PTPRD: variants seen among roughly 807,000 people sequenced by gnomAD.
The protein encoded by PTPRD is receptor-type tyrosine-protein phosphatase delta.
In PTPRD, 34 loss-of-function variants were observed where a neutral mutation model predicts 214.5. That is an observed-to-expected ratio of 0.16 (90% CI 0.12 to 0.21). The LOEUF is 0.21. Among genes scored for constraint, PTPRD ranks in the 10% least tolerant of loss-of-function variants. PTPRD has a pLI of 1.00. For missense variants in PTPRD, 2,545 were observed against 2,398.7 expected (o/e 1.06, Z -1.27); for synonymous variants, 1,128 against 845.7 (o/e 1.33, Z -5.79).
At chr9:9,077,335 C>A (rs958459261) in intron 10 of PTPRD, among the ~76,000 whole-genome samples, 4 of 151,800 alleles carry the variant, frequency 2.6e-5, no homozygotes, top group African/African-American at 9.7e-5. Flanking sequence ...GTATATTTCT[C>A]CATAGTTCAT....
intron 37 of PTPRD, among the ~76,000 whole-genome samples, chr9:8,384,483 C>A (rs1415804103): frequency 6.6e-6 from 1 of 152,106 alleles, no homozygotes; most frequent in African/African-American, 2.4e-5. Context: ...TGTGTTTCAG[C>A]AGAACTCATG....
chr9:9,166,440 T>C (rs975410308), intron 10 of PTPRD, among the ~76,000 whole-genome samples: 1 of 152,132 alleles, frequency 6.6e-6, no homozygotes, highest in Non-Finnish European at 1.5e-5. Context: ...GTTAAGGTCA[T>C]CTCATTCCCC....
chr9:8,702,679 T>C (rs1024843283), intron 12 of PTPRD, among the ~76,000 whole-genome samples: 6 of 152,196 alleles, frequency 3.9e-5, no homozygotes, highest in African/African-American at 1.4e-4. Flanking sequence ...AGTGGCACGA[T>C]CTCGGCTCAC....
chr9:9,163,947 C>G (rs547066759), intron 10 of PTPRD, among the ~76,000 whole-genome samples: 1 of 152,212 alleles, frequency 6.6e-6, no homozygotes, highest in Non-Finnish European at 1.5e-5. Context: ...TTACATATCA[C>G]TTCCTCAGAA....
chr9:9,812,593 GAATC>G lies in PTPRD; in HGVS notation c.-367-45746_-367-45743del, dbSNP rs566047089. ...AAAAAGTCACTATATAATGATAAAG[GAATC>G]AATTCATCAAAAGGATGTAACAATT... is the stretch of plus-strand genomic sequence containing the variant. On this transcript the variant is annotated intron_variant, in intron 5 of 45. Coordinates refer to ENST00000381196, the MANE Select transcript of PTPRD (RefSeq NM_002839.4). Among the ~76,000 whole-genome samples the G allele has an allele frequency of 2.4e-3, 359 of 152,136 alleles. 5 individuals are homozygous for G. The highest frequency in any genetic ancestry group is 3.2e-3 in the Non-Finnish European group (216 of 67,962).
chr9:9,791,450 A>G (rs1283009121), intron 5 of PTPRD, among the ~76,000 whole-genome samples: 2 of 152,092 alleles, frequency 1.3e-5, no homozygotes. Context: ...AGATGGAATT[A>G]ATTGGTTATT....
chr9:8,515,304 A>G (rs2138208162), intron 21 of PTPRD, among the ~76,000 whole-genome samples: 1 of 152,330 alleles, frequency 6.6e-6, no homozygotes, highest in East Asian at 1.9e-4. Context: ...ATACATGCAA[A>G]GTTCATAGTA....
intron 4 of PTPRD, among the ~76,000 whole-genome samples, chr9:9,976,204 T>G (rs1229669173): frequency 1.3e-5 from 2 of 152,148 alleles, no homozygotes; most frequent in African/African-American, 4.8e-5. Flanking sequence ...GCTTTGTCTT[T>G]CTTTTCCAAC....
chr9:9,832,839 C>T (rs553737002), intron 5 of PTPRD, among the ~76,000 whole-genome samples: 1 of 151,426 alleles, frequency 6.6e-6, no homozygotes, highest in East Asian at 1.9e-4. Context: ...TACAAAGACT[C>T]CTCAATGAGT....
chr9:10,055,239 G>A (rs919111122), intron 3 of PTPRD, among the ~76,000 whole-genome samples: 35 of 152,094 alleles, frequency 2.3e-4, no homozygotes, highest in Non-Finnish European at 4.4e-4. Context: ...ACACTTGCCT[G>A]CTTTACTGGT....
At chr9:8,786,888 A>T (rs2096004462) in intron 11 of PTPRD, among the ~76,000 whole-genome samples, 1 of 152,094 alleles carries the variant, frequency 6.6e-6, no homozygotes, top group African/African-American at 2.4e-5. Flanking sequence ...CTGAGGAAAT[A>T]TAAAGCATGG....
chr9:9,538,879 C>G (rs1353065947), intron 8 of PTPRD, among the ~76,000 whole-genome samples: 1 of 151,752 alleles, frequency 6.6e-6, no homozygotes, highest in Non-Finnish European at 1.5e-5. Flanking sequence ...TATAATAACA[C>G]TGGCATAAGA....
At chr9:9,721,466 A>G (rs1042182190) in intron 7 of PTPRD, among the ~76,000 whole-genome samples, 5 of 152,250 alleles carry the variant, frequency 3.3e-5, no homozygotes, top group African/African-American at 1.2e-4. Flanking sequence ...CCTCTATTCT[A>G]TAGGGGGCAC....
chr9:9,615,764 AC>A (rs1301844986), intron 7 of PTPRD, among the ~76,000 whole-genome samples: 2 of 152,156 alleles, frequency 1.3e-5, no homozygotes, highest in East Asian at 3.9e-4. Flanking sequence ...TTTAATCCTG[AC>A]AAAAAATCTT....
intron 3 of PTPRD, among the ~76,000 whole-genome samples, chr9:10,253,403 G>T (rs2092964164): frequency 6.6e-6 from 1 of 152,182 alleles, no homozygotes; most frequent in Admixed American, 6.5e-5. Flanking sequence ...TAATAAAGAA[G>T]ACAAGGCATG....
intron 2 of PTPRD, among the ~76,000 whole-genome samples, chr9:10,582,297 T>A (rs538706194): frequency 6.6e-6 from 1 of 152,284 alleles, no homozygotes; most frequent in South Asian, 2.1e-4. Context: ...CATACCTCTG[T>A]CCTCATATTT....
intron 11 of PTPRD, among the ~76,000 whole-genome samples, chr9:8,749,777 AGGG>A (rs2093328507): frequency 6.6e-6 from 1 of 152,156 alleles, no homozygotes; most frequent in Non-Finnish European, 1.5e-5. Context: ...GCAAGGTGAT[AGGG>A]ACAAGAGACT....
At chr9:10,604,947 C>A (rs1420079095) in intron 2 of PTPRD, among the ~76,000 whole-genome samples, 2 of 151,754 alleles carry the variant, frequency 1.3e-5, no homozygotes, top group Non-Finnish European at 2.9e-5. Context: ...CTGAGTAGTA[C>A]TTTGATAAAG....
At chr9:9,325,763 C>G (rs950905876) in intron 9 of PTPRD, among the ~76,000 whole-genome samples, 1 of 152,172 alleles carries the variant, frequency 6.6e-6, no homozygotes, top group Non-Finnish European at 1.5e-5. Flanking sequence ...GCATCCCTGT[C>G]TTGTGCCAGT....
Sources: gnomAD v4.1 joint callset for allele counts (sites outside exome capture counted in the v4.1 genomes callset) on GRCh38, gnomAD v4.1.1 for gene constraint, MANE v1.5 for transcripts, NCBI Gene and HGNC (gene_info 2026-07-23, HGNC 2026-07-21) for gene names.